ADGRL2: variants seen among roughly 807,000 people sequenced by gnomAD.
The protein encoded by ADGRL2 is calcium-independent alpha-latrotoxin receptor 2.
A neutral mutation model predicts 157.4 loss-of-function variants in ADGRL2; 44 were observed. The ratio of observed to expected loss-of-function variants is 0.28; its 90% CI spans 0.22 to 0.36. The LOEUF (loss-of-function observed/expected upper bound fraction) is 0.36, where lower values mean the gene tolerates loss of function less well. ADGRL2 is among the 10% of genes least tolerant of loss of function. The probability of loss-of-function intolerance (pLI) is 1.00; values close to 1 mark genes in which losing one functional copy is unlikely to be tolerated. For synonymous variants in ADGRL2, 585 were observed against 624.7 expected (o/e 0.94, Z 0.95); for missense variants, 1,510 against 1,768.9 (o/e 0.85, Z 2.63).
intron 2 of ADGRL2, among the ~76,000 whole-genome samples, chr1:81,534,850 C>G (rs187834893): frequency 6.6e-6 from 1 of 152,284 alleles, no homozygotes; most frequent in East Asian, 1.9e-4. Flanking sequence ...CACTATTCTT[C>G]AAGTTTTTTC....
chr1:81,820,648 G>A (rs573670618), intron 1 of ADGRL2, among the ~76,000 whole-genome samples: 2 of 150,534 alleles, frequency 1.3e-5, no homozygotes, highest in Middle Eastern at 3.5e-3. Context: ...TTCCTTAGAT[G>A]ATAAATCAGT....
At chr1:81,405,360 A>T (rs1393564511) in intron 1 of ADGRL2, among the ~76,000 whole-genome samples, 2 of 152,122 alleles carry the variant, frequency 1.3e-5, no homozygotes, top group African/African-American at 4.8e-5. Flanking sequence ...AATACCCCCA[A>T]TGTGATATTG....
intron 2 of ADGRL2, among the ~76,000 whole-genome samples, chr1:81,462,288 GCA>G (rs2077951964): frequency 6.6e-6 from 1 of 152,186 alleles, no homozygotes; most frequent in Non-Finnish European, 1.5e-5. Context: ...ACCCCAGCAT[GCA>G]GCAGCAACCT....
chr1:81,728,691 G>A (rs1455123628), intron 1 of ADGRL2, among the ~76,000 whole-genome samples: 6 of 152,050 alleles, frequency 3.9e-5, no homozygotes, highest in African/African-American at 7.2e-5. Flanking sequence ...GTCTCCTCTC[G>A]CCGAGCATCT....
intron 2 of ADGRL2, among the ~76,000 whole-genome samples, chr1:81,860,362 A>C (rs988020984): frequency 6.6e-6 from 1 of 152,090 alleles, no homozygotes; most frequent in African/African-American, 2.4e-5. Flanking sequence ...ATTTTTGTAG[A>C]GACAGGGTTT....
rs568981656 is a variant in ADGRL2 at position 81,601,995 on chromosome 1, A to G, written c.-143+21015A>G. Among the ~76,000 whole-genome samples, 66 of 152,338 alleles carry G rather than the reference A, an allele frequency of 4.3e-4. 1 individual carries two copies. The South Asian group carries it at 0.011, about 26-fold the overall frequency. Reference sequence around the variant, plus strand: ...AGGGCTGAGTGTGGAAGAGCCTGAGAGCATCAGCCAGGCACCATTCCGAAT... The same window carrying G: ...AGGGCTGAGTGTGGAAGAGCCTGAGGGCATCAGCCAGGCACCATTCCGAAT... On this transcript the variant is annotated intron_variant, in intron 3 of 24. Transcript: ENST00000370721.
At chr1:81,620,328 A>C (rs1396032894) in intron 3 of ADGRL2, among the ~76,000 whole-genome samples, 2 of 152,234 alleles carry the variant, frequency 1.3e-5, no homozygotes, top group Non-Finnish European at 2.9e-5. Flanking sequence ...TGTGAAATTT[A>C]AAAATGTAAG....
intron 2 of ADGRL2, among the ~76,000 whole-genome samples, chr1:81,578,039 A>G (rs1325410838): frequency 6.6e-6 from 1 of 152,220 alleles, no homozygotes; most frequent in African/African-American, 2.4e-5. Flanking sequence ...ACTAGCTTTC[A>G]TTTCAAGAAA....
chr1:81,345,677 G>A (rs1008661589), intron 1 of ADGRL2, among the ~76,000 whole-genome samples: 1 of 152,056 alleles, frequency 6.6e-6, no homozygotes, highest in African/African-American at 2.4e-5. Context: ...AATCATAACT[G>A]TCCTAGATTC....
At chr1:81,577,485 TGACAGGCA>T (rs2080821072) in intron 2 of ADGRL2, among the ~76,000 whole-genome samples, 1 of 152,196 alleles carries the variant, frequency 6.6e-6, no homozygotes, top group South Asian at 2.1e-4. Context: ...GGTGATACAC[TGACAGGCA>T]GACATATCAA....
chr1:81,935,366 T>G (rs1453637567), intron 3 of ADGRL2, among the ~76,000 whole-genome samples: 1 of 152,030 alleles, frequency 6.6e-6, no homozygotes, highest in Non-Finnish European at 1.5e-5. Context: ...ATACTTTATT[T>G]AGGTCTTGTT....
chr1:81,798,339 A>T (rs1377700863), upstream of ADGRL2, among the ~76,000 whole-genome samples: 1 of 152,144 alleles, frequency 6.6e-6, no homozygotes, highest in Non-Finnish European at 1.5e-5. Flanking sequence ...ACACTATTTC[A>T]ATTCTTCTTT....
intron 2 of ADGRL2, among the ~76,000 whole-genome samples, chr1:81,522,279 A>G (rs946820668): frequency 1.3e-5 from 2 of 152,114 alleles, no homozygotes; most frequent in African/African-American, 4.8e-5. Flanking sequence ...ATATACTTTC[A>G]TATATACTGA....
At chr1:81,378,310 G>GGA (rs2101031989) in intron 1 of ADGRL2, among the ~76,000 whole-genome samples, 1 of 152,200 alleles carries the variant, frequency 6.6e-6, no homozygotes, top group Admixed American at 6.5e-5. Context: ...CAGATACTCG[G>GGA]GAGTCTGAGG....
intron 2 of ADGRL2, among the ~76,000 whole-genome samples, chr1:81,470,467 C>T (rs998404123): frequency 2.0e-5 from 3 of 152,146 alleles, no homozygotes; most frequent in Non-Finnish European, 2.9e-5. Flanking sequence ...TGCCCTTTTT[C>T]AAGTTCCACA....
chr1:81,881,975 T>C (rs1340966249), intron 2 of ADGRL2, among the ~76,000 whole-genome samples: 2 of 152,118 alleles, frequency 1.3e-5, no homozygotes, highest in African/African-American at 4.8e-5. Flanking sequence ...CCATCCCCCC[T>C]TTTTTTCCTG....
chr1:81,712,724 A>G (rs1208141571), intron 1 of ADGRL2, among the ~76,000 whole-genome samples: 1 of 150,246 alleles, frequency 6.7e-6, no homozygotes, highest in Non-Finnish European at 1.5e-5. Flanking sequence ...ACTGCCTATC[A>G]TGCTGGAGCA....
At chr1:81,700,969 C>T (rs1272107098) in intron 1 of ADGRL2, among the ~76,000 whole-genome samples, 1 of 152,212 alleles carries the variant, frequency 6.6e-6, no homozygotes, top group Admixed American at 6.5e-5. Context: ...AGTTTGCATG[C>T]AAATGCAGAA....
At chr1:81,797,343 A>ACT (rs1219371221), upstream of ADGRL2, among the ~76,000 whole-genome samples, 5 of 152,034 alleles carry the variant, frequency 3.3e-5, no homozygotes, top group African/African-American at 1.2e-4. Flanking sequence ...AGTTTCACAA[A>ACT]CTCTAATCAC....
Sources: allele counts gnomAD v4.1 joint callset (sites outside exome capture counted in the v4.1 genomes callset), GRCh38; gene constraint gnomAD v4.1.1; transcripts MANE v1.5; gene names NCBI Gene and HGNC (gene_info 2026-07-23, HGNC 2026-07-21).